Variants in ERCC4 observed in about 807,000 individuals in gnomAD.
ERCC4 encodes DNA repair endonuclease XPF.
In ERCC4, 65 loss-of-function variants were observed where a neutral mutation model predicts 76.9. The observed-to-expected ratio is 0.84, with a 90% CI of 0.69 to 1.04. The LOEUF is 1.04. Among genes scored for constraint, ERCC4 ranks in the 50% least tolerant of loss-of-function variants. The pLI is 0.00. For missense variants in ERCC4, 1,214 were observed against 1,128.2 expected (o/e 1.08, Z -1.09); for synonymous variants, 463 against 410.1 (o/e 1.13, Z -1.56).
At chr16:13,940,821 A>C (rs1469050363) in intron 9 of ERCC4, among the ~76,000 whole-genome samples, 1 of 152,218 alleles carries the variant, frequency 6.6e-6, no homozygotes, top group Non-Finnish European at 1.5e-5. Flanking sequence ...ACCAAGAGCC[A>C]GTGTTGAGGA....
chr16:13,934,595 T>C (rs980187241), intron 7 of ERCC4: 32 of 383,120 alleles, frequency 8.4e-5, no homozygotes, highest in African/African-American at 5.6e-4. Context: ...AGAACTTCTA[T>C]TTAAAGATTG....
At position 13,948,077 on chromosome 16, in the gene ERCC4, A is replaced by T; in HGVS notation, c.2481A>T (p.Thr827=). The change falls in exon 11 of 11, where the codon ACA becomes ACT. Residue 827 remains threonine, a synonymous_variant. Transcript: ENST00000311895. ...KQSKPQPDAA[T]ALAITADSET... ...GCAAGCCACAGCCTGATGCGGCGAC[A>T]GCACTGGCCATTACAGCAGATTCTG... 1 of 1,614,202 alleles carries T rather than the reference A, an allele frequency of 6.2e-7. No homozygotes were observed. Among genetic ancestry groups the T allele is most frequent in the Non-Finnish European group, 8.5e-7 (1 of 1,180,032 alleles).
intron 10 of ERCC4, among the ~76,000 whole-genome samples, chr16:13,945,477 C>T (rs529850008): frequency 3.7e-4 from 57 of 152,308 alleles, no homozygotes; most frequent in Middle Eastern, 3.4e-3. Flanking sequence ...CTGATTTCAG[C>T]CAGGTGGCAT....
chr16:13,926,432 T>C (rs1400931457), intron 2 of ERCC4, 129 bp from the exon 3 acceptor site: 1 of 782,826 alleles, frequency 1.3e-6, no homozygotes, highest in East Asian at 2.5e-5. Flanking sequence ...ATCTCTGTTC[T>C]GTGCGTGGCT....
In ERCC4 at chr16:13,949,867, C is replaced by T; in HGVS notation, c.*1520C>T. 4.3e-6 allele frequency: 1 copy of T among 232,588 alleles called. No individual in the cohort carries two copies. Among genetic ancestry groups the T allele is most frequent in the South Asian group, 1.8e-4 (1 of 5,520 alleles). The allele number at this position is 232,588 out of a possible 1,614,324, so 14.4% of individuals were successfully genotyped here. A position where few individuals can be genotyped will look rare whatever the true frequency, so the allele number is the denominator to read the frequency against. On this transcript the variant is annotated 3_prime_UTR_variant, in exon 11 of 11. Transcript: ENST00000311895. ...AGCCATATCACATATTTTAATGTTT[C>T]ATCAACATCAGCTGTTTTTTTGTTT...
At chr16:13,926,409 A>G in intron 2 of ERCC4, 152 bp from the exon 3 acceptor site, 1 of 710,696 alleles carries the variant, frequency 1.4e-6, no homozygotes, top group South Asian at 1.6e-5. Context: ...CAATTCCTTG[A>G]GGACAGGGAT....
Position 13,932,286 on chromosome 16 carries a change from G to A in ERCC4, c.1102+1G>A, listed in dbSNP as rs1314323456. 6.3e-7 allele frequency: 1 copy of A among 1,590,164 alleles called. No individual in the cohort carries two copies. Among genetic ancestry groups the A allele is most frequent in the East Asian group, 2.2e-5 (1 of 44,778 alleles). ...AAAATGGAAATTAAAGAAGGGGAAG[G>A]TATCTTGTGGGGTTAAGTCTTTAAA... On this transcript the variant is annotated splice_donor_variant, in intron 6 of 10. Coordinates refer to ENST00000311895, the MANE Select transcript of ERCC4 (RefSeq NM_005236.3). LOFTEE classifies it high-confidence loss of function.
intron 8 of ERCC4, 73 bp downstream of exon 8, chr16:13,935,816 A>C: frequency 8.9e-7 from 1 of 1,125,530 alleles, no homozygotes; most frequent in Admixed American, 1.7e-5. Flanking sequence ...TACCAGTTGC[A>C]TGTTAGTTTT....
At chr16:13,927,557 C>CAAAA (rs527349868) in intron 3 of ERCC4, 20 of 52,120 alleles carry the variant, frequency 3.8e-4, no homozygotes, top group African/African-American at 7.7e-4. Context: ...AACTCCATCT[C>CAAAA]AAAAAAAAAA....
At position 13,920,255 on chromosome 16, in the gene ERCC4, C is replaced by A. The variant is rs1304744260; in HGVS notation, c.90C>A (p.Asp30Glu). The part of the protein sequence containing the change: ...RQLVLELLDT[D>E]GLVVCARGLG... ...TGGTGCTGGAACTGCTCGACACTGA[C>A]GGGCTAGTAGTGTGCGCCCGCGGGC... The change falls in exon 1 of 11, where the codon GAC (aspartate) becomes GAA (glutamate). Residue 30 changes from aspartate to glutamate, a missense_variant. Transcript: ENST00000311895. The A allele has an allele frequency of 1.2e-6, 2 of 1,607,480 alleles. No individual in the cohort carries two copies. The highest frequency in any genetic ancestry group is 1.7e-6 in the Non-Finnish European group (2 of 1,179,902).
rs533326519 is a variant in ERCC4 at position 13,921,820 on chromosome 16, C to T, written c.208-211C>T. ...TTGAGTGCTGATAATGACTGAAGTG[C>T]AATTATTCCTTAGTGTAAACCCCAA... On this transcript the variant is annotated intron_variant, in intron 1 of 10. Coordinates refer to ENST00000311895, the MANE Select transcript of ERCC4 (RefSeq NM_005236.3). Among the ~76,000 whole-genome samples, 136 of 152,180 alleles carry T rather than the reference C, an allele frequency of 8.9e-4. No individual in the cohort carries two copies. In the Middle Eastern group the frequency reaches 0.01, roughly 11 times the overall value.
intron 3 of ERCC4, 75 bp from the exon 4 acceptor site, chr16:13,927,953 G>A: frequency 1.0e-6 from 1 of 963,546 alleles, no homozygotes; most frequent in Non-Finnish European, 1.7e-6. Flanking sequence ...TATAAAAATG[G>A]GGTGTTAAAC....
At chr16:13,926,909 C>G in intron 3 of ERCC4, 153 bp downstream of exon 3, 1 of 658,338 alleles carries the variant, frequency 1.5e-6, no homozygotes, top group Admixed American at 2.5e-5. Flanking sequence ...ACAAACACAT[C>G]CAGCTATAAA....
rs2032637225 is a variant in ERCC4, at chr16:13,952,041, CA to C, written c.*3695del. 5.0e-6 allele frequency: 1 copy of C among 200,592 alleles called. No individual in the cohort carries two copies. The highest frequency in any genetic ancestry group is 2.3e-5 in the African/African-American group (1 of 43,470). The allele number at this position is 200,592 out of a possible 1,614,324, so 12.4% of individuals were successfully genotyped here. Reference sequence around the variant, plus strand: ...TCAGCACTTAATCATCCTTATCAACCAGGCTTTTGGTAGCCTAAACCGCTAT... The same window carrying C: ...TCAGCACTTAATCATCCTTATCAACCGGCTTTTGGTAGCCTAAACCGCTAT... On this transcript the variant is annotated 3_prime_UTR_variant, in exon 11 of 11. Transcript: ENST00000311895.
intron 8 of ERCC4, 139 bp downstream of exon 8, chr16:13,935,882 A>G (rs1401414115): frequency 2.6e-6 from 2 of 763,372 alleles, no homozygotes; most frequent in Non-Finnish European, 4.5e-6. Flanking sequence ...TTGCTTCCTG[A>G]TGAATCTGGG....
intron 4 of ERCC4, 79 bp from the exon 5 acceptor site, chr16:13,930,631 C>A: frequency 2.8e-6 from 3 of 1,053,790 alleles, no homozygotes; most frequent in Non-Finnish European, 4.3e-6. Context: ...AGGAAATAAT[C>A]CTTTTGAAAG....
Position 13,951,606 on chromosome 16 carries a change from C to A in ERCC4, c.*3259C>A, listed in dbSNP as rs1403155217. The A allele has an allele frequency of 4.7e-6, 1 of 214,484 alleles. No homozygotes were observed. The highest frequency in any genetic ancestry group is 2.3e-5 in the African/African-American group (1 of 44,250). 13.3% of individuals were successfully genotyped at this position (214,484 alleles called of 1,614,324 possible). A position where few individuals can be genotyped will look rare whatever the true frequency, so the allele number is the denominator to read the frequency against. On this transcript the variant is annotated 3_prime_UTR_variant, in exon 11 of 11. Coordinates refer to ENST00000311895, the MANE Select transcript of ERCC4 (RefSeq NM_005236.3). The stretch of plus-strand genomic sequence containing the variant: ...ATACAGTTTCCCAGCTCATGAGGGA[C>A]TGAAAATAGTCTTATTCATCAACCC...
chr16:13,951,697 A>G lies in ERCC4; in HGVS notation c.*3350A>G, dbSNP rs900324607. Reference sequence around the variant, plus strand: ...AAACCCCACAATATAGAATTAATAAATGGCCTTCAGTAGGAAAACCTACAC... The same window carrying G: ...AAACCCCACAATATAGAATTAATAAGTGGCCTTCAGTAGGAAAACCTACAC... On this transcript the variant is annotated 3_prime_UTR_variant, in exon 11 of 11. Transcript: ENST00000311895. 13 of 219,390 alleles carry G rather than the reference A, an allele frequency of 5.9e-5. No homozygotes were observed. The highest frequency in any genetic ancestry group is 1.8e-4 in the South Asian group (1 of 5,416). 13.6% of individuals were successfully genotyped at this position (219,390 alleles called of 1,614,324 possible).
At position 13,951,816 on chromosome 16, in the gene ERCC4, G is replaced by C. The variant is rs1170492660; in HGVS notation, c.*3469G>C. On this transcript the variant is annotated 3_prime_UTR_variant, in exon 11 of 11. Transcript: ENST00000311895. ...CATAATTTGATTTTCCTTTGGCTCA[G>C]AAAACTCATTTGGGGAAATTCTCTT... 4.5e-6 allele frequency: 1 copy of C among 222,830 alleles called. No individual in the cohort carries two copies. The highest frequency in any genetic ancestry group is 9.0e-6 in the Non-Finnish European group (1 of 111,630). 13.8% of individuals were successfully genotyped at this position (222,830 alleles called of 1,614,324 possible).
Sources: allele counts gnomAD v4.1 joint callset (sites outside exome capture counted in the v4.1 genomes callset), GRCh38; gene constraint gnomAD v4.1.1; transcripts MANE v1.5; gene names NCBI Gene and HGNC (gene_info 2026-07-23, HGNC 2026-07-21).